Variants in PHACTR1 observed in about 807,000 individuals in gnomAD.
The protein encoded by PHACTR1 is phosphatase and actin regulator 1.
A neutral mutation model predicts 69.2 loss-of-function variants in PHACTR1; 16 were observed. The ratio of observed to expected loss-of-function variants is 0.23; its 90% CI spans 0.16 to 0.35. The LOEUF (loss-of-function observed/expected upper bound fraction) is 0.35. Ranked by LOEUF, PHACTR1 falls within the 10% of genes least tolerant of loss-of-function variation. The pLI, the probability that PHACTR1 is intolerant of heterozygous loss-of-function variation, is 1.00. For synonymous variants in PHACTR1, 312 were observed against 284.5 expected (o/e 1.10, Z -0.97); for missense variants, 510 against 734.7 (o/e 0.69, Z 3.54).
chr6:12,781,235 G>A (rs1770780157), intron 4 of PHACTR1, among the ~76,000 whole-genome samples: 1 of 152,134 alleles, frequency 6.6e-6, no homozygotes, highest in Non-Finnish European at 1.5e-5. Context: ...TTGCCCACAT[G>A]CTGGATCTGG....
intron 10 of PHACTR1, among the ~76,000 whole-genome samples, chr6:13,234,206 G>A (rs144223133): frequency 2.0e-4 from 31 of 152,346 alleles, no homozygotes; most frequent in African/African-American, 4.1e-4. Flanking sequence ...GGTAGAGAGC[G>A]AGCTACTCTG....
intron 4 of PHACTR1, among the ~76,000 whole-genome samples, chr6:12,752,754 A>G (rs756261061): frequency 6.6e-6 from 1 of 152,178 alleles, no homozygotes; most frequent in Non-Finnish European, 1.5e-5. Context: ...TTCAGAAATA[A>G]CTCTGCAGCT....
At chr6:13,046,672 G>A (rs1310043715) in intron 4 of PHACTR1, among the ~76,000 whole-genome samples, 1 of 152,068 alleles carries the variant, frequency 6.6e-6, no homozygotes, top group Non-Finnish European at 1.5e-5. Context: ...TGCTAAAAGA[G>A]TCTCTGTTGT....
intron 10 of PHACTR1, among the ~76,000 whole-genome samples, chr6:13,234,317 C>T (rs774337835): frequency 1.3e-5 from 2 of 152,196 alleles, no homozygotes; most frequent in African/African-American, 2.4e-5. Context: ...AAAATATGTG[C>T]TTTATGATCA....
intron 3 of PHACTR1, among the ~76,000 whole-genome samples, chr6:12,719,641 T>C (rs530321216): frequency 6.6e-6 from 1 of 152,304 alleles, no homozygotes; most frequent in Non-Finnish European, 1.5e-5. Flanking sequence ...TATTTTAAAA[T>C]AGAAAAGCAG....
chr6:13,161,312 C>T (rs1758973134), intron 6 of PHACTR1, among the ~76,000 whole-genome samples: 1 of 152,114 alleles, frequency 6.6e-6, no homozygotes, highest in South Asian at 2.1e-4. Flanking sequence ...ATGCGTGCAC[C>T]TTCTCTTCTT....
intron 4 of PHACTR1, among the ~76,000 whole-genome samples, chr6:12,819,899 A>G (rs752467295): frequency 2.0e-4 from 30 of 152,184 alleles, no homozygotes; most frequent in Non-Finnish European, 4.1e-4. Context: ...TTATCAAGGT[A>G]CCAGAACTTA....
intron 7 of PHACTR1, among the ~76,000 whole-genome samples, chr6:13,199,584 A>C (rs765844856): frequency 2.6e-5 from 4 of 152,098 alleles, no homozygotes; most frequent in Non-Finnish European, 5.9e-5. Flanking sequence ...TAAATAAAAA[A>C]TCAGCAAGAA....
intron 11 of PHACTR1, 136 bp from the exon 12 acceptor site, chr6:13,278,132 G>A: frequency 1.4e-6 from 1 of 732,158 alleles, no homozygotes; most frequent in Non-Finnish European, 2.2e-6. Flanking sequence ...AAGGGCAGCT[G>A]GGGGAGGGGA....
At chr6:12,718,653 A>T (rs1761707700) in intron 2 of PHACTR1, 46 bp from the exon 3 acceptor site, 1 of 564,492 alleles carries the variant, frequency 1.8e-6, no homozygotes, top group African/African-American at 1.9e-5. Context: ...TATACACTTT[A>T]TACTTGACGT....
intron 5 of PHACTR1, among the ~76,000 whole-genome samples, chr6:13,072,088 GGAT>G (rs1464729877): frequency 1.9e-4 from 29 of 152,196 alleles, no homozygotes; most frequent in Non-Finnish European, 3.8e-4. Context: ...GTTACAACAA[GGAT>G]GATCTTTGTT....
chr6:13,121,844 G>C (rs149972497), intron 5 of PHACTR1, among the ~76,000 whole-genome samples: 1 of 152,296 alleles, frequency 6.6e-6, no homozygotes, highest in East Asian at 1.9e-4. Context: ...TATGAGCAAG[G>C]CTTCACAGTG....
chr6:12,910,698 C>G (rs1160383447), intron 4 of PHACTR1, among the ~76,000 whole-genome samples: 1 of 152,224 alleles, frequency 6.6e-6, no homozygotes, highest in Non-Finnish European at 1.5e-5. Flanking sequence ...TGGATGCCCA[C>G]TATGAGCAGG....
intron 5 of PHACTR1, among the ~76,000 whole-genome samples, chr6:13,156,555 G>A (rs1003410068): frequency 2.0e-5 from 3 of 152,216 alleles, no homozygotes; most frequent in Admixed American, 1.3e-4. Flanking sequence ...AGTTTGAGAA[G>A]CACTGGTGCG....
intron 4 of PHACTR1, among the ~76,000 whole-genome samples, chr6:12,899,072 G>T (rs897748968): frequency 1.3e-5 from 2 of 152,120 alleles, no homozygotes; most frequent in African/African-American, 4.8e-5. Context: ...CTGTGACAGT[G>T]GCCTCCCTGC....
intron 5 of PHACTR1, among the ~76,000 whole-genome samples, chr6:13,148,724 G>A (rs1359196044): frequency 6.6e-6 from 1 of 152,170 alleles, no homozygotes; most frequent in Non-Finnish European, 1.5e-5. Context: ...AGGAAAGTAT[G>A]CTATCTGAAT....
At chr6:13,172,541 C>G (rs938822752) in intron 6 of PHACTR1, among the ~76,000 whole-genome samples, 5 of 152,188 alleles carry the variant, frequency 3.3e-5, no homozygotes, top group African/African-American at 7.2e-5. Flanking sequence ...CAGTCAGAGG[C>G]AGCAAATACT....
intron 4 of PHACTR1, among the ~76,000 whole-genome samples, chr6:12,831,701 C>G (rs915299197): frequency 2.6e-5 from 4 of 152,106 alleles, no homozygotes; most frequent in Admixed American, 2.6e-4. Context: ...GATTTAGAAC[C>G]ACCTATGTTA....
intron 4 of PHACTR1, among the ~76,000 whole-genome samples, chr6:12,905,847 G>A (rs553773229): frequency 7.6e-4 from 116 of 152,278 alleles, no homozygotes; most frequent in Non-Finnish European, 1.4e-3. Context: ...ATATTCCTAC[G>A]TGGCAACATC....
Sources: allele counts gnomAD v4.1 joint callset (sites outside exome capture counted in the v4.1 genomes callset), GRCh38; gene constraint gnomAD v4.1.1; transcripts MANE v1.5; gene names NCBI Gene and HGNC (gene_info 2026-07-23, HGNC 2026-07-21).